Variants in CNTN3 observed in about 807,000 individuals in gnomAD.
CNTN3 encodes the protein contactin 3, also known as contactin-3.
CNTN3 carries 60 observed loss-of-function variants against 119.1 expected under a neutral mutation model. The observed-to-expected ratio is 0.50, with a 90% CI of 0.41 to 0.62. The LOEUF is 0.62. Among genes scored for constraint, CNTN3 ranks in the 20% least tolerant of loss-of-function variants. The pLI, the probability that CNTN3 is intolerant of heterozygous loss-of-function variation, is 0.00. For synonymous variants in CNTN3, 450 were observed against 438.7 expected, an observed-to-expected ratio of 1.03 and a Z score of -0.32; for missense variants, 1,101 against 1,242.4, an observed-to-expected ratio of 0.89 and a Z score of 1.71.
intron 2 of CNTN3, among the ~76,000 whole-genome samples, chr3:74,506,669 C>T (rs1481424850): frequency 6.6e-6 from 1 of 150,526 alleles, no homozygotes. Context: ...AGTTAGAATG[C>T]CATTGTTGGA....
chr3:74,485,652 A>G lies in CNTN3; in HGVS notation c.358+804T>C, dbSNP rs1702842226. Among the ~76,000 whole-genome samples, 4 of 152,142 alleles carry G rather than the reference A, an allele frequency of 2.6e-5. No homozygotes were observed. The South Asian group carries it at 8.3e-4, about 31-fold the overall frequency. On this transcript the variant is annotated intron_variant, in intron 4 of 22. Transcript: ENST00000263665. ...CAATTTCAGAATTATTGAGGTGTGAATAACTACAAGAAATCTCAGAACCAA... is the reference window on the plus strand; with the variant it reads ...CAATTTCAGAATTATTGAGGTGTGAGTAACTACAAGAAATCTCAGAACCAA...
intron 5 of CNTN3, among the ~76,000 whole-genome samples, chr3:74,381,807 C>T (rs1404410939): frequency 6.6e-6 from 1 of 152,130 alleles, no homozygotes; most frequent in African/African-American, 2.4e-5. Context: ...AAAAGCCCTC[C>T]TGATGTTACA....
Position 74,476,645 on chromosome 3 carries a change from TTTAGAG to T in CNTN3, c.358+9805_358+9810del, listed in dbSNP as rs1559622642. Among the ~76,000 whole-genome samples, 4 of 152,178 alleles carry T rather than the reference TTTAGAG, an allele frequency of 2.6e-5. No individual in the cohort carries two copies. In the South Asian group the frequency reaches 6.2e-4, roughly 24 times the overall value. ...ACACTATGAATGAATACCTAAATACTTTAGAGTTAAACAAATAAAGTAACAAAGGAA... is the reference window on the plus strand; with the variant it reads ...ACACTATGAATGAATACCTAAATACTTTAAACAAATAAAGTAACAAAGGAA... On this transcript the variant is annotated intron_variant, in intron 4 of 22. Coordinates refer to ENST00000263665, the MANE Select transcript of CNTN3 (RefSeq NM_020872.3).
At chr3:74,545,994 T>C in intron 1 of CNTN3, among the ~76,000 whole-genome samples, 1 of 152,052 alleles carries the variant, frequency 6.6e-6, no homozygotes, top group East Asian at 1.9e-4. Flanking sequence ...AACTTTTTCC[T>C]TTCTTTTTTT....
intron 1 of CNTN3, among the ~76,000 whole-genome samples, chr3:74,579,335 T>C (rs1704466692): frequency 6.6e-6 from 1 of 150,658 alleles, no homozygotes; most frequent in Non-Finnish European, 1.5e-5. Flanking sequence ...CTTTCAGTTA[T>C]GAATACAACA....
At chr3:74,335,635 T>G (rs552354467) in intron 12 of CNTN3, among the ~76,000 whole-genome samples, 1 of 152,240 alleles carries the variant, frequency 6.6e-6, no homozygotes, top group East Asian at 1.9e-4. Flanking sequence ...TCTAGCCAGA[T>G]TTTGGTCCTC....
intron 11 of CNTN3, among the ~76,000 whole-genome samples, chr3:74,338,030 CTAAAA>C: frequency 6.6e-6 from 1 of 152,108 alleles, no homozygotes; most frequent in East Asian, 1.9e-4. Context: ...CTTTGAATTC[CTAAAA>C]TAATTACTAT....
intron 4 of CNTN3, among the ~76,000 whole-genome samples, chr3:74,426,830 A>C (rs1701703080): frequency 6.6e-6 from 1 of 152,222 alleles, no homozygotes; most frequent in Non-Finnish European, 1.5e-5. Context: ...TAAATGAGGC[A>C]GTACCTCATA....
chr3:74,329,168 C>G (rs556858107), intron 13 of CNTN3, among the ~76,000 whole-genome samples: 141 of 152,186 alleles, frequency 9.3e-4, no homozygotes, highest in Non-Finnish European at 1.7e-3. Context: ...CAAAGATATT[C>G]TTTTCTACCA....
chr3:74,442,374 T>C (rs1317851640), intron 4 of CNTN3, among the ~76,000 whole-genome samples: 1 of 152,110 alleles, frequency 6.6e-6, no homozygotes, highest in Non-Finnish European at 1.5e-5. Context: ...GATAACACCC[T>C]TCCTTCCTCA....
rs535088074 is a variant in CNTN3 at position 74,553,110 on chromosome 3, C to T, written c.-80-31918G>A. 2.1e-3 allele frequency among the ~76,000 whole-genome samples: 311 copies of T among 151,364 alleles called. 1 individual carries two copies. The highest frequency in any genetic ancestry group is 3.4e-3 in the South Asian group (16 of 4,732). Reference sequence around the variant, plus strand: ...TAGCCCCCCAACCCCCACAGGCCCCCGTGTGTGATGTTCCCCTCCATGCAT... The same window carrying T: ...TAGCCCCCCAACCCCCACAGGCCCCTGTGTGTGATGTTCCCCTCCATGCAT... On this transcript the variant is annotated intron_variant, in intron 1 of 22. Transcript: ENST00000263665.
Position 74,267,342 on chromosome 3 carries a change from GCATTC to G in CNTN3, c.2736_2740del (p.Trp912CysfsTer5). ...ATTAAGTAACACTTTAGTGTCTGTG[GCATTC>G]CAAACAACATTTCCTGGTGGCTGAC... On this transcript the variant is annotated frameshift_variant, in exon 21 of 23. Coordinates refer to ENST00000263665, the MANE Select transcript of CNTN3 (RefSeq NM_020872.3). LOFTEE classifies it high-confidence loss of function. The G allele has an allele frequency of 6.2e-7, 1 of 1,613,170 alleles. No individual in the cohort carries two copies. The highest frequency in any genetic ancestry group is 8.5e-7 in the Non-Finnish European group (1 of 1,179,342).
At chr3:74,491,143 A>G (rs556440156) in intron 3 of CNTN3, among the ~76,000 whole-genome samples, 1 of 152,204 alleles carries the variant, frequency 6.6e-6, no homozygotes, top group Admixed American at 6.5e-5. Context: ...TAAGTTCCCA[A>G]TGCAAAATAC....
intron 1 of CNTN3, among the ~76,000 whole-genome samples, chr3:74,588,278 T>C (rs904073847): frequency 5.3e-5 from 8 of 152,052 alleles, no homozygotes; most frequent in South Asian, 2.1e-4. Flanking sequence ...AAAATCAATG[T>C]ACAAAAATCA....
intron 5 of CNTN3, among the ~76,000 whole-genome samples, chr3:74,407,363 G>A (rs1256906502): frequency 7.0e-6 from 1 of 143,742 alleles, no homozygotes; most frequent in Non-Finnish European, 1.5e-5. Context: ...CCACCTCCTG[G>A]GTTCAAGCGA....
rs148493872 is a variant in CNTN3 at position 74,466,113 on chromosome 3, T to C, written c.358+20343A>G. 6.0e-4 allele frequency among the ~76,000 whole-genome samples: 92 copies of C among 152,264 alleles called. 1 individual carries two copies. In the East Asian group the frequency reaches 0.017, roughly 28 times the overall value. ...AGTCCAAATTAAAGCAAGTGGAACC[T>C]GAGCAGACACAAAAAGATGCTGTCA... On this transcript the variant is annotated intron_variant, in intron 4 of 22. Transcript: ENST00000263665.
intron 1 of CNTN3, among the ~76,000 whole-genome samples, chr3:74,564,161 C>T (rs1212835492): frequency 6.6e-6 from 1 of 151,972 alleles, no homozygotes; most frequent in African/African-American, 2.4e-5. Flanking sequence ...GGATGGAGTC[C>T]CATCCCAGCA....
At chr3:74,508,154 T>C (rs536040826) in intron 2 of CNTN3, among the ~76,000 whole-genome samples, 3 of 152,274 alleles carry the variant, frequency 2.0e-5, no homozygotes, top group African/African-American at 7.2e-5. Context: ...AGTTTCCCCA[T>C]GCTGTTCTAG....
At chr3:74,530,124 ATAAAT>A (rs1321283201) in intron 1 of CNTN3, among the ~76,000 whole-genome samples, 3 of 152,012 alleles carry the variant, frequency 2.0e-5, no homozygotes, top group Admixed American at 1.3e-4. Flanking sequence ...ATATTTTAAA[ATAAAT>A]TCATGTCTTC....
Sources: gnomAD v4.1 joint callset for allele counts (sites outside exome capture counted in the v4.1 genomes callset) on GRCh38, gnomAD v4.1.1 for gene constraint, MANE v1.5 for transcripts, NCBI Gene and HGNC (gene_info 2026-07-23, HGNC 2026-07-21) for gene names.